Variants in B3GLCT observed in about 807,000 individuals in gnomAD.
B3GLCT encodes beta-1,3-glucosyltransferase.
Under a neutral mutation model 63.4 loss-of-function variants are expected in B3GLCT, and 65 were observed. The observed-to-expected ratio is 1.03, with a 90% CI of 0.84 to 1.26. The LOEUF is 1.26. Among genes scored for constraint, B3GLCT ranks in the 50% most tolerant of loss-of-function variants. The pLI is 0.00. For missense variants in B3GLCT, 577 were observed against 604.8 expected, an observed-to-expected ratio of 0.95 and a Z score of 0.48; for synonymous variants, 233 against 219.2, an observed-to-expected ratio of 1.06 and a Z score of -0.55.
intron 11 of B3GLCT, among the ~76,000 whole-genome samples, chr13:31,286,372 A>G (rs1873330784): frequency 6.6e-6 from 1 of 152,212 alleles, no homozygotes; most frequent in Admixed American, 6.5e-5. Context: ...CTAAGAAAGG[A>G]TGCCATTGCT....
At chr13:31,310,920 G>T (rs570940175) in intron 12 of B3GLCT, among the ~76,000 whole-genome samples, 220 of 152,350 alleles carry the variant, frequency 1.4e-3, no homozygotes, top group Non-Finnish European at 2.7e-3. Context: ...GCCACAGCAG[G>T]TGTGGAACCT....
intron 12 of B3GLCT, among the ~76,000 whole-genome samples, chr13:31,298,219 G>T (rs1266480882): frequency 6.6e-6 from 1 of 152,134 alleles, no homozygotes; most frequent in Non-Finnish European, 1.5e-5. Context: ...TTTAGGATTG[G>T]TATGTCAGCA....
intron 12 of B3GLCT, among the ~76,000 whole-genome samples, chr13:31,301,710 T>C (rs1874231325): frequency 6.6e-6 from 1 of 152,220 alleles, no homozygotes; most frequent in African/African-American, 2.4e-5. Context: ...AACAGGTAAT[T>C]ATAGATGGGG....
chr13:31,285,960 C>CTTT (rs1873310012), intron 11 of B3GLCT, among the ~76,000 whole-genome samples: 1 of 152,060 alleles, frequency 6.6e-6, no homozygotes, highest in Non-Finnish European at 1.5e-5. Context: ...TAAAAATACA[C>CTTT]AGAGATCAAG....
chr13:31,252,571 G>A (rs142249914), intron 6 of B3GLCT, among the ~76,000 whole-genome samples: 5 of 152,224 alleles, frequency 3.3e-5, no homozygotes, highest in African/African-American at 1.2e-4. Context: ...TGCAATCCTA[G>A]TCTCTGATAA....
intron 12 of B3GLCT, among the ~76,000 whole-genome samples, chr13:31,294,448 A>T (rs918434770): frequency 2.0e-5 from 3 of 152,208 alleles, no homozygotes; most frequent in Non-Finnish European, 4.4e-5. Context: ...CAGGTACAGC[A>T]ATCAAACGTA....
chr13:31,321,180 A>G (rs1226494499), intron 13 of B3GLCT, among the ~76,000 whole-genome samples: 1 of 152,240 alleles, frequency 6.6e-6, no homozygotes, highest in African/African-American at 2.4e-5. Flanking sequence ...TGATCTTTAT[A>G]TAGCTAACAT....
At chr13:31,323,089 G>A (rs758174583) in intron 13 of B3GLCT, among the ~76,000 whole-genome samples, 10 of 152,238 alleles carry the variant, frequency 6.6e-5, no homozygotes, top group Non-Finnish European at 1.5e-4. Flanking sequence ...CAGGGAGGGA[G>A]TTCTGCACTG....
chr13:31,288,018 GGC>G (rs1271513689), intron 12 of B3GLCT, among the ~76,000 whole-genome samples: 2 of 152,110 alleles, frequency 1.3e-5, no homozygotes, highest in Non-Finnish European at 2.9e-5. Flanking sequence ...AATTTCAGGT[GGC>G]CTTGAATATA....
At chr13:31,245,230 T>C (rs9529707) in intron 4 of B3GLCT, among the ~76,000 whole-genome samples, 49,113 of 152,108 alleles carry the variant, frequency 0.32, 9,266 homozygotes, top group Middle Eastern at 0.45. Context: ...GAAAGTGCTT[T>C]TGTAGCCTTT....
chr13:31,273,456 C>T (rs1044785827), intron 8 of B3GLCT, among the ~76,000 whole-genome samples: 2 of 152,048 alleles, frequency 1.3e-5, no homozygotes, highest in African/African-American at 2.4e-5. Flanking sequence ...TTTTTTCTCA[C>T]GTTTTAAAGT....
chr13:31,295,125 C>G (rs1023497123), intron 12 of B3GLCT, among the ~76,000 whole-genome samples: 2 of 152,184 alleles, frequency 1.3e-5, no homozygotes, highest in African/African-American at 4.8e-5. Context: ...CCCCATCTGC[C>G]TGGGTATTAC....
intron 13 of B3GLCT, 125 bp downstream of exon 13, chr13:31,317,810 A>G (rs1239366964): frequency 1.0e-5 from 12 of 1,160,310 alleles, no homozygotes; most frequent in Middle Eastern, 2.6e-4. Flanking sequence ...GGTTGTTACT[A>G]TAATAGGAAA....
chr13:31,272,470 C>A (rs1281519253), intron 8 of B3GLCT, among the ~76,000 whole-genome samples: 1 of 152,094 alleles, frequency 6.6e-6, no homozygotes, highest in Admixed American at 6.5e-5. Context: ...CCCACCTTGG[C>A]CTCCCAAAGT....
At chr13:31,231,134 A>G (rs1267732849) in intron 4 of B3GLCT, among the ~76,000 whole-genome samples, 4 of 152,044 alleles carry the variant, frequency 2.6e-5, no homozygotes, top group Non-Finnish European at 5.9e-5. Flanking sequence ...GGCTTCTTCC[A>G]TCTGCTTTGC....
chr13:31,216,721 A>G (rs186081663), intron 2 of B3GLCT, among the ~76,000 whole-genome samples: 1 of 152,268 alleles, frequency 6.6e-6, no homozygotes, highest in East Asian at 1.9e-4. Flanking sequence ...CTGTTTCTGC[A>G]TTAATTGGGT....
At chr13:31,315,241 G>T (rs1328023673) in intron 12 of B3GLCT, among the ~76,000 whole-genome samples, 2 of 152,220 alleles carry the variant, frequency 1.3e-5, no homozygotes, top group Non-Finnish European at 2.9e-5. Context: ...AGTTTGGAGA[G>T]CTCAGAAGAA....
At chr13:31,284,279 C>G (rs1247872022) in intron 10 of B3GLCT, among the ~76,000 whole-genome samples, 2 of 152,140 alleles carry the variant, frequency 1.3e-5, no homozygotes, top group African/African-American at 4.8e-5. Context: ...CAAAGGTCTT[C>G]TCATGCTCCA....
intron 1 of B3GLCT, among the ~76,000 whole-genome samples, chr13:31,207,077 T>C (rs1318273661): frequency 6.6e-6 from 1 of 152,100 alleles, no homozygotes; most frequent in Non-Finnish European, 1.5e-5. Context: ...ATGGATTGAG[T>C]GGTACTGAAA....
Sources: allele counts gnomAD v4.1 joint callset (sites outside exome capture counted in the v4.1 genomes callset), GRCh38; gene constraint gnomAD v4.1.1; transcripts MANE v1.5; gene names NCBI Gene and HGNC (gene_info 2026-07-23, HGNC 2026-07-21).